The following ISCA2 variants were observed in gnomAD, a reference collection of about 807,000 sequenced individuals.
ISCA2 encodes the protein iron-sulfur cluster assembly 2, also known as iron-sulfur cluster assembly 2 homolog, mitochondrial.
A neutral mutation model predicts 19.1 loss-of-function variants in ISCA2; 21 were observed. The observed-to-expected ratio is 1.10, with a 90% confidence interval of 0.78 to 1.59. ISCA2 has a LOEUF of 1.59. ISCA2 is among the 40% of genes most tolerant of loss of function. The probability of loss-of-function intolerance (pLI) is 0.00; values close to 1 mark genes in which losing one functional copy is unlikely to be tolerated. For missense variants in ISCA2, 181 were observed against 191.7 expected (o/e 0.94, Z 0.33); for synonymous variants, 107 against 83.8 (o/e 1.28, Z -1.51).
Position 74,493,836 on chromosome 14 carries a change from C to G in ISCA2, c.62C>G (p.Pro21Arg). Reference sequence around the variant, plus strand: ...ACGCAGAGAGCGGTCACTCCCTGGCCGAGGGGCAGGTACCAAGACTAGAAA... The same window carrying G: ...ACGCAGAGAGCGGTCACTCCCTGGCGGAGGGGCAGGTACCAAGACTAGAAA... Reference protein sequence around the residue: ...AATQRAVTPWPRGRLLTASLG... With the variant: ...AATQRAVTPWRRGRLLTASLG... Residue 21 changes from proline to arginine, a missense_variant, in exon 1 of 4, where the codon CCG (proline) becomes CGG (arginine). Physicochemically the swap from Pro to Arg is moderately radical, Grantham distance 103 (BLOSUM62 -2). Transcript: ENST00000556816. The surrounding 1 kb of genome is among the most constrained non-coding windows in gnomAD (Gnocchi z 4.1). 1 of 1,558,824 alleles carries G rather than the reference C, an allele frequency of 6.4e-7. No individual in the cohort carries two copies. Among genetic ancestry groups the G allele is most frequent in the Non-Finnish European group, 8.7e-7 (1 of 1,152,240 alleles).
rs2086815553 is a variant in ISCA2 at position 74,494,118 on chromosome 14, A to G, written c.140A>G (p.Glu47Gly). Residue 47 changes from glutamate to glycine, a missense_variant, in exon 2 of 4, where the codon GAA becomes GGA. Glu to Gly is a moderately conservative substitution (Grantham distance 98, BLOSUM62 -2). Transcript: ENST00000556816. The stretch of plus-strand genomic sequence containing the variant: ...TCGTCCTCCAGCCCCGAGGCCGGCG[A>G]AGGGCAGATCCGCCTCACAGACAGT... ...EASSSSPEAG[E>G]GQIRLTDSCV... The G allele has an allele frequency of 1.3e-6, 2 of 1,581,120 alleles. No individual in the cohort carries two copies. Among genetic ancestry groups the G allele is most frequent in the African/African-American group, 2.7e-5 (2 of 74,298 alleles).
In ISCA2 at chr14:74,494,351, A is replaced by C. The variant is rs2086821314; in HGVS notation, c.251A>C (p.Tyr84Ser). Residue 84 changes from tyrosine to serine, a missense_variant, in exon 3 of 4, where the codon TAC (tyrosine) becomes TCC (serine). Physicochemically the swap from Tyr to Ser is moderately radical, Grantham distance 144 (BLOSUM62 -2). Transcript: ENST00000556816. ...GGAGGTGGATGCTCCGGATTCCAATACAAATTTTCACTGGATACAGTTATC... is the reference window on the plus strand; with the variant it reads ...GGAGGTGGATGCTCCGGATTCCAATCCAAATTTTCACTGGATACAGTTATC... ...VEGGGCSGFQ[Y>S]KFSLDTVINP... 6.2e-7 allele frequency: 1 copy of C among 1,614,026 alleles called. No homozygotes were observed. Among genetic ancestry groups the C allele is most frequent in the East Asian group, 2.2e-5 (1 of 44,892 alleles).
At position 74,495,018 on chromosome 14, in the gene ISCA2, C is replaced by T; in HGVS notation, c.*18C>T. Reference sequence around the variant, plus strand: ...AACTTTGATGTGATGACTGGTGACTCTGGGATTGTCACCAGTTGTACCAAT... The same window carrying T: ...AACTTTGATGTGATGACTGGTGACTTTGGGATTGTCACCAGTTGTACCAAT... On this transcript the variant is annotated 3_prime_UTR_variant, in exon 4 of 4. Coordinates refer to ENST00000556816, the MANE Select transcript of ISCA2 (RefSeq NM_194279.4). 1 of 1,582,200 alleles carries T rather than the reference C, an allele frequency of 6.3e-7. No individual in the cohort carries two copies. The highest frequency in any genetic ancestry group is 1.3e-5 in the African/African-American group (1 of 74,352).
Position 74,493,957 on chromosome 14 carries a change from TG to T in ISCA2, c.72-88del, listed in dbSNP as rs1427715954. 6 of 1,466,492 alleles carry T rather than the reference TG, an allele frequency of 4.1e-6. No individual in the cohort carries two copies. The East Asian group carries it at 7.4e-5, about 18-fold the overall frequency. The allele number at this position is 1,466,492 out of a possible 1,614,324, so 90.8% of individuals were successfully genotyped here. Reference sequence around the variant, plus strand: ...AGGGTTTGGTGGGAGGCCGTCCAGGTGGGGGTCGCCAGGTTTAGCGTGAGGC... The same window carrying T: ...AGGGTTTGGTGGGAGGCCGTCCAGGTGGGGTCGCCAGGTTTAGCGTGAGGC... On this transcript the variant is annotated intron_variant, in intron 1 of 3. Coordinates refer to ENST00000556816, the MANE Select transcript of ISCA2 (RefSeq NM_194279.4). This position sits in a 1 kb window ranked among gnomAD's most constrained non-coding sequence, Gnocchi z 4.1.
At chr14:74,494,227 T>A in intron 2 of ISCA2, 48 bp from the exon 3 acceptor site, 3 of 1,596,224 alleles carry the variant, frequency 1.9e-6, no homozygotes, top group Non-Finnish European at 2.6e-6. Flanking sequence ...CACTCAGCCC[T>A]TTAACTCCCG....
rs1485658036 is a variant in ISCA2 at position 74,496,201 on chromosome 14, A to G, written c.*1201A>G. 1 of 152,232 alleles carries G rather than the reference A, an allele frequency of 6.6e-6. No homozygotes were observed. Among genetic ancestry groups the G allele is most frequent in the Non-Finnish European group, 1.5e-5 (1 of 68,044 alleles). The allele number at this position is 152,232 out of a possible 1,614,324, so 9.4% of individuals were successfully genotyped here. A position where few individuals can be genotyped will look rare whatever the true frequency, so the allele number is the denominator to read the frequency against. On this transcript the variant is annotated 3_prime_UTR_variant, in exon 4 of 4. Transcript: ENST00000556816. ...GAAACTACAACCAAGTTGATTCTGG[A>G]AGAGTTACTGGTTAAATCCATCTTT...
intron 2 of ISCA2, 51 bp from the exon 3 acceptor site, chr14:74,494,224 C>G: frequency 6.3e-7 from 1 of 1,588,306 alleles, no homozygotes; most frequent in Non-Finnish European, 8.6e-7. Flanking sequence ...CTTCACTCAG[C>G]CCTTTAACTC....
chr14:74,494,656 C>G, intron 3 of ISCA2, 170 bp from the exon 4 acceptor site: 1 of 639,914 alleles, frequency 1.6e-6, no homozygotes, highest in Non-Finnish European at 2.7e-6. Context: ...ACACGTTTCC[C>G]AGTATTTATT....
intron 3 of ISCA2, 99 bp from the exon 4 acceptor site, chr14:74,494,727 C>T (rs1336855160): frequency 9.6e-7 from 1 of 1,045,798 alleles, no homozygotes; most frequent in African/African-American, 1.6e-5. Flanking sequence ...GGGAAGCTCC[C>T]TCTGTACTTT....
At position 74,495,005 on chromosome 14, in the gene ISCA2, A is replaced by G; in HGVS notation, c.*5A>G. 2 of 1,607,732 alleles carry G rather than the reference A, an allele frequency of 1.2e-6. No homozygotes were observed. The highest frequency in any genetic ancestry group is 1.7e-6 in the Non-Finnish European group (2 of 1,176,022). On this transcript the variant is annotated 3_prime_UTR_variant, in exon 4 of 4. Coordinates refer to ENST00000556816, the MANE Select transcript of ISCA2 (RefSeq NM_194279.4). Reference sequence around the variant, plus strand: ...TCTTTCTCTATCAAACTTTGATGTGATGACTGGTGACTCTGGGATTGTCAC... The same window carrying G: ...TCTTTCTCTATCAAACTTTGATGTGGTGACTGGTGACTCTGGGATTGTCAC...
intron 3 of ISCA2, 143 bp downstream of exon 3, chr14:74,494,533 G>C (rs1167198402): frequency 3.0e-6 from 2 of 675,466 alleles, no homozygotes; most frequent in Admixed American, 5.3e-5. Context: ...TGCAGTAAAG[G>C]TTTGTTGTTC....
chr14:74,494,757 C>G, intron 3 of ISCA2, 69 bp from the exon 4 acceptor site: 8 of 1,392,012 alleles, frequency 5.7e-6, no homozygotes, highest in Non-Finnish European at 8.0e-6. Context: ...AGGATGTGCA[C>G]CTCTGGGCTC....
intron 2 of ISCA2, 57 bp downstream of exon 2, chr14:74,494,209 C>T: frequency 6.3e-7 from 1 of 1,575,816 alleles, no homozygotes; most frequent in Non-Finnish European, 8.7e-7. Flanking sequence ...GCAGCGGGAA[C>T]TGCTCTTCAC....
rs1311668458 is a variant in ISCA2 at position 74,494,381 on chromosome 14, CCGA to C, written c.286_288del (p.Asp96del). 3 of 1,613,150 alleles carry C rather than the reference CCGA, an allele frequency of 1.9e-6. No individual in the cohort carries two copies. Among genetic ancestry groups the C allele is most frequent in the South Asian group, 1.1e-5 (1 of 91,066 alleles). On this transcript the variant is annotated inframe_deletion, in exon 3 of 4. Coordinates refer to ENST00000556816, the MANE Select transcript of ISCA2 (RefSeq NM_194279.4). ...TTTTCACTGGATACAGTTATCAACCCCGACGACAGGCAAGGAGGAAGGGGTGGG... is the reference window on the plus strand; with the variant it reads ...TTTTCACTGGATACAGTTATCAACCCCGACAGGCAAGGAGGAAGGGGTGGG...
At chr14:74,494,422 G>A (rs751304838) in intron 3 of ISCA2, 32 bp downstream of exon 3, 16 of 1,477,096 alleles carry the variant, frequency 1.1e-5, no homozygotes, top group Middle Eastern at 3.5e-4. Context: ...CCCAAAGGAG[G>A]TACAGGAGGG....
intron 3 of ISCA2, 40 bp from the exon 4 acceptor site, chr14:74,494,786 G>T (rs1233127704): frequency 1.3e-6 from 2 of 1,585,430 alleles, no homozygotes; most frequent in Admixed American, 1.8e-5. Flanking sequence ...TCTTTTTTGT[G>T]TTTGCGATAC....
chr14:74,494,486 C>T (rs1441838123), intron 3 of ISCA2, 96 bp downstream of exon 3: 12 of 896,766 alleles, frequency 1.3e-5, no homozygotes, highest in Middle Eastern at 2.2e-4. Context: ...AAAGGGTTTA[C>T]CTGGGATGGT....
rs2086839024 is a variant in ISCA2 at position 74,495,610 on chromosome 14, A to C, written c.*610A>C. 1 of 152,300 alleles carries C rather than the reference A, an allele frequency of 6.6e-6. No homozygotes were observed. Among genetic ancestry groups the C allele is most frequent in the East Asian group, 1.9e-4 (1 of 5,180 alleles). 9.4% of individuals were successfully genotyped at this position (152,300 alleles called of 1,614,324 possible). A position where few individuals can be genotyped will look rare whatever the true frequency, so the allele number is the denominator to read the frequency against. ...AAAACCAAGAGCCCGTTACCCAGAA[A>C]ACTTGGACCAAACCCTCACTGATAG... On this transcript the variant is annotated 3_prime_UTR_variant, in exon 4 of 4. Coordinates refer to ENST00000556816, the MANE Select transcript of ISCA2 (RefSeq NM_194279.4).
At position 74,494,064 on chromosome 14, in the gene ISCA2, C is replaced by T. The variant is rs2086814618; in HGVS notation, c.86C>T (p.Ser29Phe). 13 of 1,545,682 alleles carry T rather than the reference C, an allele frequency of 8.4e-6. No individual in the cohort carries two copies. Among genetic ancestry groups the T allele is most frequent in the Non-Finnish European group, 1.1e-5 (13 of 1,148,948 alleles). The change falls in exon 2 of 4, where the codon TCC becomes TTC. Residue 29 changes from serine to phenylalanine, a missense_variant. By Grantham distance (155) the Ser-to-Phe change is radical. Coordinates refer to ENST00000556816, the MANE Select transcript of ISCA2 (RefSeq NM_194279.4). Reference protein sequence around the residue: ...PWPRGRLLTASLGPQARREAS... With the variant: ...PWPRGRLLTAFLGPQARREAS... Reference sequence around the variant, plus strand: ...CTTGCGCGCAGGCTCCTCACGGCCTCCCTGGGACCCCAGGCGCGTCGGGAG... The same window carrying T: ...CTTGCGCGCAGGCTCCTCACGGCCTTCCTGGGACCCCAGGCGCGTCGGGAG...
Sources: allele counts gnomAD v4.1 joint callset, GRCh38; gene constraint gnomAD v4.1.1; non-coding constraint Gnocchi (gnomAD v3.1); transcripts MANE v1.5; gene names NCBI Gene and HGNC (gene_info 2026-07-23, HGNC 2026-07-21).